Variants in CD99 observed in about 807,000 individuals in gnomAD.
CD99 encodes the protein CD99 molecule (Xg blood group).
A neutral mutation model predicts 28.4 loss-of-function variants in CD99; 19 were observed. The observed-to-expected ratio is 0.67, with a 90% CI of 0.47 to 0.98. The LOEUF (loss-of-function observed/expected upper bound fraction) is 0.98. Among genes scored for constraint, CD99 ranks in the 50% least tolerant of loss-of-function variants. The pLI is 0.00. For synonymous variants in CD99, 103 were observed against 92.1 expected (o/e 1.12, Z -0.67); for missense variants, 283 against 248.8 (o/e 1.14, Z -0.92).
At chrX:2,722,801 CTG>C in intron 6 of CD99, 127 bp downstream of exon 6, 1 of 1,007,310 alleles carries the variant, frequency 9.9e-7, no homozygotes, top group African/African-American at 1.6e-5. Context: ...TCAGCCATCT[CTG>C]TGGGAACTCC....
intron 1 of CD99, among the ~76,000 whole-genome samples, chrX:2,698,408 A>G (rs933131925): frequency 2.6e-5 from 4 of 151,358 alleles, no homozygotes; most frequent in African/African-American, 9.7e-5. Flanking sequence ...GGCTCAAGCA[A>G]ACCTCTCGCC....
intron 3 of CD99, chrX:2,719,453 T>C (rs1441079022): frequency 1.6e-6 from 1 of 631,676 alleles, no homozygotes; most frequent in African/African-American, 1.8e-5. Flanking sequence ...TGTCTCTGTC[T>C]CTCTGTTTTT....
intron 8 of CD99, among the ~76,000 whole-genome samples, chrX:2,730,035 T>G (rs1183994675): frequency 1.3e-5 from 2 of 152,150 alleles, no homozygotes; most frequent in East Asian, 3.9e-4. Flanking sequence ...CTGCCTGTGG[T>G]CCCAACTACT....
At chrX:2,708,714 C>T (rs1423761589) in intron 1 of CD99, among the ~76,000 whole-genome samples, 1 of 152,186 alleles carries the variant, frequency 6.6e-6, no homozygotes, top group Non-Finnish European at 1.5e-5. Flanking sequence ...GAGGGGCATA[C>T]TGTGTCCTTT....
chrX:2,738,166 T>C (rs2050040163), intron 8 of CD99, 34 bp from the exon 9 acceptor site: 5 of 1,595,276 alleles, frequency 3.1e-6, no homozygotes, highest in Non-Finnish European at 4.3e-6. Context: ...TCTGTTGCAC[T>C]GAGCCTCTCT....
chrX:2,735,929 A>G (rs1440531334), intron 8 of CD99, among the ~76,000 whole-genome samples: 4 of 152,006 alleles, frequency 2.6e-5, no homozygotes, highest in East Asian at 1.9e-4. Context: ...CTGGCTTGGC[A>G]CGGTGGTTCA....
intron 1 of CD99, among the ~76,000 whole-genome samples, chrX:2,694,076 C>A (rs186986811): frequency 1.0e-3 from 158 of 152,282 alleles, no homozygotes; most frequent in Non-Finnish European, 1.9e-3. Context: ...AGTTAGGAGC[C>A]TGCCGTCCCG....
chrX:2,739,209 T>C (rs1284745102), intron 9 of CD99, among the ~76,000 whole-genome samples: 4 of 152,066 alleles, frequency 2.6e-5, no homozygotes, highest in Non-Finnish European at 4.4e-5. Flanking sequence ...AGGTGGAAAA[T>C]GTGGTTAAGA....
chrX:2,720,175 A>G (rs1446404856), intron 4 of CD99, among the ~76,000 whole-genome samples, 181 bp from the exon 5 acceptor site: 1 of 152,200 alleles, frequency 6.6e-6, no homozygotes, highest in Non-Finnish European at 1.5e-5. Flanking sequence ...GTTGACATTA[A>G]GAACTGTGGC....
In CD99 at chrX:2,722,647, C is replaced by T. The variant is rs745720510; in HGVS notation, c.283C>T (p.Leu95Phe). The change falls in exon 6 of 10, where the codon CTT becomes TTT. Residue 95 changes from leucine (L) to phenylalanine (F), a missense_variant. Leu to Phe is a conservative substitution (Grantham distance 22). Coordinates refer to ENST00000381192, the MANE Select transcript of CD99 (RefSeq NM_002414.5). ...CCTAGGTAGCTTTTCAGATGCTGAC[C>T]TTGCGGATGGCGTTTCAGGTGGAGA... ...SSSGSFSDAD[L>F]ADGVSGGEGK... The T allele has an allele frequency of 1.2e-6, 2 of 1,613,826 alleles. No homozygotes were observed. The highest frequency in any genetic ancestry group is 1.7e-6 in the Non-Finnish European group (2 of 1,179,866).
At position 2,732,243 on chromosome X, in the gene CD99, G is replaced by A. The variant is rs1372857421; in HGVS notation, c.475+5870G>A. Among the ~76,000 whole-genome samples the A allele has an allele frequency of 5.3e-5, 8 of 151,962 alleles. No individual in the cohort carries two copies. In the East Asian group the frequency reaches 5.9e-4, roughly 11 times the overall value. On this transcript the variant is annotated intron_variant, in intron 8 of 9. Coordinates refer to ENST00000381192, the MANE Select transcript of CD99 (RefSeq NM_002414.5). ...TCGCATCTGGGTGTGTTGGCTTCGC[G>A]GGGGACCTGGCTCAGACCACTAACC...
chrX:2,714,513 A>G, intron 2 of CD99, 59 bp downstream of exon 2: 4 of 1,372,658 alleles, frequency 2.9e-6, no homozygotes, highest in African/African-American at 1.4e-5. Context: ...CATAGTATAT[A>G]CAGGCATATC....
intron 1 of CD99, chrX:2,692,017 A>C: frequency 1.4e-6 from 1 of 700,322 alleles, no homozygotes; most frequent in Non-Finnish European, 2.6e-6. Context: ...GCGCCAAGCA[A>C]CACGGGGCGC....
At chrX:2,719,858 GTTGTCGTTGGGTTTTTCT>G (rs1170221516) in intron 4 of CD99, 153 bp downstream of exon 4, 1 of 225,806 alleles carries the variant, frequency 4.4e-6, no homozygotes, top group Admixed American at 6.5e-5. Flanking sequence ...TGTTCTTGCT[GTTGTCGTTGGGTTTTTCT>G]TTACAACCAG....
intron 1 of CD99, among the ~76,000 whole-genome samples, chrX:2,702,002 A>G (rs980192368): frequency 1.3e-5 from 2 of 152,152 alleles, no homozygotes; most frequent in African/African-American, 4.8e-5. Context: ...AAAGTTTCTG[A>G]TTTAATTAGC....
chrX:2,693,218 T>C (rs768259539), intron 1 of CD99, among the ~76,000 whole-genome samples: 9 of 151,782 alleles, frequency 5.9e-5, no homozygotes, highest in African/African-American at 2.2e-4. Flanking sequence ...TGTCGGCTCA[T>C]TGGCGTTGCA....
chrX:2,738,007 A>G (rs774710900), intron 8 of CD99, 193 bp from the exon 9 acceptor site: 1 of 723,428 alleles, frequency 1.4e-6, no homozygotes, highest in South Asian at 1.5e-5. Flanking sequence ...GCATGAAAAA[A>G]TACTGGCAAA....
chrX:2,716,280 G>C (rs1462324921), intron 2 of CD99, among the ~76,000 whole-genome samples: 1 of 152,098 alleles, frequency 6.6e-6, no homozygotes, highest in African/African-American at 2.4e-5. Context: ...GCCTCCCAAA[G>C]TGCTGGGATG....
At position 2,691,369 on chromosome X, in the gene CD99, C is replaced by T. The variant is rs1490521285; in HGVS notation, c.9C>T (p.Arg3=). MA[R]GAALALLLFG... is the part of the protein sequence containing the mutation. ...CGCGCTCTGGGCGCACCATGGCCCG[C>T]GGGGCTGCGCTGGCGCTGCTGCTCT... Residue 3 remains arginine, a synonymous_variant, in exon 1 of 10, where the codon CGC becomes CGT. Transcript: ENST00000381192. The T allele has an allele frequency of 1.9e-6, 3 of 1,573,024 alleles. No homozygotes were observed. Among genetic ancestry groups the T allele is most frequent in the East Asian group, 4.7e-5 (2 of 42,850 alleles).
Sources: gnomAD v4.1 joint callset for allele counts (sites outside exome capture counted in the v4.1 genomes callset) on GRCh38, gnomAD v4.1.1 for gene constraint, MANE v1.5 for transcripts, NCBI Gene and HGNC (gene_info 2026-07-23, HGNC 2026-07-21) for gene names.